VAMP1: variants seen among roughly 807,000 people sequenced by gnomAD.
The protein encoded by VAMP1 is vesicle associated membrane protein 1.
A neutral mutation model predicts 19.1 loss-of-function variants in VAMP1; 16 were observed. That is an observed-to-expected ratio of 0.84 (90% CI 0.57 to 1.27). The LOEUF is 1.27. Ranked by LOEUF, VAMP1 falls within the 50% of genes most tolerant of loss-of-function variation. The probability of loss-of-function intolerance (pLI) is 0.00; values close to 1 mark genes in which losing one functional copy is unlikely to be tolerated. For synonymous variants in VAMP1, 37 were observed against 50.2 expected (o/e 0.74, Z 1.11); for missense variants, 109 against 145.4 (o/e 0.75, Z 1.29).
At position 6,463,815 on chromosome 12, in the gene VAMP1, T is replaced by C. The variant is rs1462992900; in HGVS notation, c.*655A>G. The C allele has an allele frequency of 8.3e-7, 1 of 1,206,954 alleles. No homozygotes were observed. The highest frequency in any genetic ancestry group is 1.1e-6 in the Non-Finnish European group (1 of 951,414). 74.8% of individuals were successfully genotyped at this position (1,206,954 alleles called of 1,614,324 possible). A position where few individuals can be genotyped will look rare whatever the true frequency, so the allele number is the denominator to read the frequency against. ...TCCTGCTATTTTCACAATCCCTAAGTGTTCTCCAGGCCTCTGGAGAACAAA... is the reference window on the plus strand; with the variant it reads ...TCCTGCTATTTTCACAATCCCTAAGCGTTCTCCAGGCCTCTGGAGAACAAA... On this transcript the variant is annotated 3_prime_UTR_variant, in exon 5 of 5. Transcript: ENST00000396308. The surrounding 1 kb of genome is among the most constrained non-coding windows in gnomAD (Gnocchi z 4.0).
In VAMP1 at chr12:6,462,904, G is replaced by A; in HGVS notation, c.*1566C>T. 6.3e-7 allele frequency: 1 copy of A among 1,577,286 alleles called. No homozygotes were observed. Among genetic ancestry groups the A allele is most frequent in the Admixed American group, 1.8e-5 (1 of 54,076 alleles). ...GAAAGGAAAGGAAGGATGGTTTTGA[G>A]CAATGAAATGCTGCTGCATGGAAAG... On this transcript the variant is annotated 3_prime_UTR_variant, in exon 5 of 5. Coordinates refer to ENST00000396308, the MANE Select transcript of VAMP1 (RefSeq NM_014231.5).
At position 6,466,305 on chromosome 12, in the gene VAMP1, G is replaced by A. The variant is rs753837735; in HGVS notation, c.49C>T (p.Pro17Ser). Residue 17 changes from proline to serine, a missense_variant, in exon 2 of 5, where the codon CCA becomes TCA. Coordinates refer to ENST00000396308, the MANE Select transcript of VAMP1 (RefSeq NM_014231.5). ...GGAGGGCCAGGGGGACCCCCACCTG[G>A]GGCAGTCCCTTCTGTCCCTTCAGCA... ...PPAEGTEGTA[P>S]GGGPPGPPPN... is the part of the protein sequence containing the mutation. The A allele has an allele frequency of 1.9e-6, 3 of 1,614,140 alleles. No homozygotes were observed. Among genetic ancestry groups the A allele is most frequent in the Non-Finnish European group, 2.5e-6 (3 of 1,179,998 alleles).
Position 6,470,620 on chromosome 12 carries a change from A to G in VAMP1, c.-89T>C. 1.3e-6 allele frequency: 2 copies of G among 1,564,560 alleles called. No homozygotes were observed. The highest frequency in any genetic ancestry group is 1.8e-6 in the Non-Finnish European group (2 of 1,139,650). ...GGACGCTGCGGCTGAAGTGGACGGA[A>G]CTGCCAAGCTCCGCCTCGCGCCGAC... On this transcript the variant is annotated 5_prime_UTR_variant, in exon 1 of 5. Coordinates refer to ENST00000396308, the MANE Select transcript of VAMP1 (RefSeq NM_014231.5).
Position 6,464,402 on chromosome 12 carries a change from A to G in VAMP1, c.*68T>C, listed in dbSNP as rs1315491049. ...ACGGTGGGTGGGGAAGTGTGTTGAG[A>G]GAGCAAACAGAGGGCAGAGGACATG... On this transcript the variant is annotated 3_prime_UTR_variant, in exon 5 of 5. Transcript: ENST00000396308. The G allele has an allele frequency of 6.4e-7, 1 of 1,556,572 alleles. No individual in the cohort carries two copies. Among genetic ancestry groups the G allele is most frequent in the South Asian group, 1.2e-5 (1 of 84,298 alleles).
chr12:6,470,628 G>A lies in VAMP1; in HGVS notation c.-97C>T, dbSNP rs1288730257. ...CGGCTGAAGTGGACGGAACTGCCAA[G>A]CTCCGCCTCGCGCCGACTACCCCGC... On this transcript the variant is annotated 5_prime_UTR_variant, in exon 1 of 5. Transcript: ENST00000396308. 3.3e-6 allele frequency: 5 copies of A among 1,528,362 alleles called. No individual in the cohort carries two copies. In the African/African-American group the frequency reaches 4.1e-5, roughly 13 times the overall value. 94.7% of individuals were successfully genotyped at this position (1,528,362 alleles called of 1,614,324 possible). A position where few individuals can be genotyped will look rare whatever the true frequency, so the allele number is the denominator to read the frequency against.
intron 1 of VAMP1, among the ~76,000 whole-genome samples, chr12:6,469,783 T>G (rs775269121): frequency 4.0e-5 from 6 of 151,780 alleles, no homozygotes; most frequent in Non-Finnish European, 5.9e-5. Context: ...GCGAAGGGGG[T>G]GATGTTGAAG....
At chr12:6,466,132 T>C (rs1370713052) in intron 2 of VAMP1, 93 bp downstream of exon 2, 3 of 1,611,658 alleles carry the variant, frequency 1.9e-6, no homozygotes, top group African/African-American at 2.7e-5. Context: ...CTTTGACTAT[T>C]CTCCTACGAA....
At chr12:6,468,746 A>G (rs1284757648) in intron 1 of VAMP1, among the ~76,000 whole-genome samples, 1 of 152,200 alleles carries the variant, frequency 6.6e-6, no homozygotes, top group Non-Finnish European at 1.5e-5. Flanking sequence ...GTCCCAAAAC[A>G]TGGAGGCTAA....
In VAMP1 at chr12:6,464,430, T is replaced by A. The variant is rs943503642; in HGVS notation, c.*40A>T. 2 of 1,564,372 alleles carry A rather than the reference T, an allele frequency of 1.3e-6. No homozygotes were observed. Among genetic ancestry groups the A allele is most frequent in the African/African-American group, 2.7e-5 (2 of 73,338 alleles). The stretch of plus-strand genomic sequence containing the variant: ...GCAAACAGAGGGCAGAGGACATGAA[T>A]GTGGATGGCAATGGACAACAGGGAA... On this transcript the variant is annotated 3_prime_UTR_variant, in exon 5 of 5. Coordinates refer to ENST00000396308, the MANE Select transcript of VAMP1 (RefSeq NM_014231.5).
Position 6,462,691 on chromosome 12 carries a change from T to C in VAMP1, c.*1779A>G. On this transcript the variant is annotated 3_prime_UTR_variant, in exon 5 of 5. Coordinates refer to ENST00000396308, the MANE Select transcript of VAMP1 (RefSeq NM_014231.5). ...GGGAGAGCCAAGAGGACGGATTCGCTCCAGGCTTGGGACACATCGAGGACA... is the reference window on the plus strand; with the variant it reads ...GGGAGAGCCAAGAGGACGGATTCGCCCCAGGCTTGGGACACATCGAGGACA... The C allele has an allele frequency of 1.1e-6, 1 of 932,790 alleles. No homozygotes were observed. The highest frequency in any genetic ancestry group is 1.7e-5 in the South Asian group (1 of 57,362). 57.8% of individuals were successfully genotyped at this position (932,790 alleles called of 1,614,324 possible). A position where few individuals can be genotyped will look rare whatever the true frequency, so the allele number is the denominator to read the frequency against.
At position 6,463,804 on chromosome 12, in the gene VAMP1, CA is replaced by C; in HGVS notation, c.*665del. 7 of 1,188,838 alleles carry C rather than the reference CA, an allele frequency of 5.9e-6. No individual in the cohort carries two copies. Among genetic ancestry groups the C allele is most frequent in the Non-Finnish European group, 7.4e-6 (7 of 942,892 alleles). The allele number at this position is 1,188,838 out of a possible 1,614,324, so 73.6% of individuals were successfully genotyped here. On this transcript the variant is annotated 3_prime_UTR_variant, in exon 5 of 5. Transcript: ENST00000396308. The surrounding 1 kb of genome is among the most constrained non-coding windows in gnomAD (Gnocchi z 4.0). Reference sequence around the variant, plus strand: ...ATGGAAACAAGTCCTGCTATTTTCACAATCCCTAAGTGTTCTCCAGGCCTCT... The same window carrying C: ...ATGGAAACAAGTCCTGCTATTTTCACATCCCTAAGTGTTCTCCAGGCCTCT...
chr12:6,470,634 C>G lies in VAMP1; in HGVS notation c.-103G>C. 1 of 1,516,328 alleles carries G rather than the reference C, an allele frequency of 6.6e-7. No homozygotes were observed. Among genetic ancestry groups the G allele is most frequent in the Non-Finnish European group, 9.1e-7 (1 of 1,101,666 alleles). The allele number at this position is 1,516,328 out of a possible 1,614,324, so 93.9% of individuals were successfully genotyped here. ...AAGTGGACGGAACTGCCAAGCTCCG[C>G]CTCGCGCCGACTACCCCGCGGTCTA... On this transcript the variant is annotated 5_prime_UTR_variant, in exon 1 of 5. Coordinates refer to ENST00000396308, the MANE Select transcript of VAMP1 (RefSeq NM_014231.5).
chr12:6,469,440 C>T (rs535407574), intron 1 of VAMP1, among the ~76,000 whole-genome samples: 2 of 152,306 alleles, frequency 1.3e-5, no homozygotes, highest in South Asian at 4.1e-4. Flanking sequence ...TGGAATTCTA[C>T]GGCTTGCCCA....
chr12:6,470,506 GC>G, intron 1 of VAMP1, 23 bp downstream of exon 1: 2 of 1,613,968 alleles, frequency 1.2e-6, no homozygotes, highest in Non-Finnish European at 1.7e-6. Flanking sequence ...GAGGTGCCGA[GC>G]CCCCACACCA....
chr12:6,465,913 G>A lies in VAMP1; in HGVS notation c.217C>T (p.Gln73Ter). The change falls in exon 3 of 5, where the codon CAG becomes TAG. Residue 73 changes from glutamine to a stop codon, truncating the protein, a stop_gained. Coordinates refer to ENST00000396308, the MANE Select transcript of VAMP1 (RefSeq NM_014231.5). LOFTEE classifies it high-confidence loss of function. ...SELDDRADAL[Q>*]AGASQFESSA... ...CTCTCAAATTGTGATGCTCCTGCCT[G>A]CAAGGCATCAGCTCGGTCATCCAGC... The A allele has an allele frequency of 6.2e-7, 1 of 1,614,246 alleles. No homozygotes were observed. The highest frequency in any genetic ancestry group is 8.5e-7 in the Non-Finnish European group (1 of 1,180,048).
Position 6,464,119 on chromosome 12 carries a change from A to G in VAMP1, c.*351T>C, listed in dbSNP as rs1321831967. The G allele has an allele frequency of 1.5e-6, 2 of 1,342,658 alleles. No homozygotes were observed. Among genetic ancestry groups the G allele is most frequent in the Non-Finnish European group, 2.0e-6 (2 of 1,023,438 alleles). 83.2% of individuals were successfully genotyped at this position (1,342,658 alleles called of 1,614,324 possible). A position where few individuals can be genotyped will look rare whatever the true frequency, so the allele number is the denominator to read the frequency against. On this transcript the variant is annotated 3_prime_UTR_variant, in exon 5 of 5. Transcript: ENST00000396308. ...TGGGCACCGATACTCTTCTCCTCCC[A>G]AGTCTGGGCAGCTTCATGGGTACTT... is the stretch of plus-strand genomic sequence containing the variant.
At position 6,464,419 on chromosome 12, in the gene VAMP1, G is replaced by A; in HGVS notation, c.*51C>T. On this transcript the variant is annotated 3_prime_UTR_variant, in exon 5 of 5. Coordinates refer to ENST00000396308, the MANE Select transcript of VAMP1 (RefSeq NM_014231.5). ...GTGTTGAGAGAGCAAACAGAGGGCA[G>A]AGGACATGAATGTGGATGGCAATGG... The A allele has an allele frequency of 6.4e-7, 1 of 1,561,894 alleles. No individual in the cohort carries two copies. Among genetic ancestry groups the A allele is most frequent in the Non-Finnish European group, 8.7e-7 (1 of 1,152,904 alleles).
At position 6,466,298 on chromosome 12, in the gene VAMP1, C is replaced by G; in HGVS notation, c.56G>C (p.Gly19Ala). 6.2e-7 allele frequency: 1 copy of G among 1,614,178 alleles called. No homozygotes were observed. Among genetic ancestry groups the G allele is most frequent in the South Asian group, 1.1e-5 (1 of 91,076 alleles). Residue 19 changes from glycine to alanine, a missense_variant, in exon 2 of 5, where the codon GGG becomes GCG. Gly to Ala is a moderately conservative substitution (Grantham distance 60). Coordinates refer to ENST00000396308, the MANE Select transcript of VAMP1 (RefSeq NM_014231.5). ...AEGTEGTAPG[G>A]GPPGPPPNMT... ...GTTAGGAGGAGGGCCAGGGGGACCC[C>G]CACCTGGGGCAGTCCCTTCTGTCCC...
intron 3 of VAMP1, 72 bp downstream of exon 3, chr12:6,465,770 A>G: frequency 6.3e-7 from 1 of 1,575,338 alleles, no homozygotes; most frequent in Admixed American, 1.7e-5. Context: ...AGAAATGTAG[A>G]AGCTGAGGGT....
Sources: allele counts gnomAD v4.1 joint callset (sites outside exome capture counted in the v4.1 genomes callset), GRCh38; gene constraint gnomAD v4.1.1; non-coding constraint Gnocchi (gnomAD v3.1); transcripts MANE v1.5; gene names NCBI Gene and HGNC (gene_info 2026-07-23, HGNC 2026-07-21).